The following SPECC1 variants were observed in gnomAD, a reference collection of about 807,000 sequenced individuals.
SPECC1 encodes the protein cytospin-B.
In SPECC1, 62 loss-of-function variants were observed where a neutral mutation model predicts 104.1. The observed-to-expected ratio is 0.60, with a 90% confidence interval of 0.49 to 0.74. The LOEUF is 0.74. Among genes scored for constraint, SPECC1 ranks in the 30% least tolerant of loss-of-function variants. The pLI is 0.00. For missense variants in SPECC1, 1,306 were observed against 1,310.5 expected (o/e 1.00, Z 0.05); for synonymous variants, 513 against 501.6 (o/e 1.02, Z -0.30).
At chr17:20,237,307 T>TG (rs1180291042) in intron 7 of SPECC1, 22 of 1,062,014 alleles carry the variant, frequency 2.1e-5, no homozygotes, top group Middle Eastern at 4.1e-4. Context: ...TTGTTGTTGT[T>TG]TTGTTTTGTT....
Position 20,132,751 on chromosome 17 carries a change from A to G in SPECC1, c.283+22189A>G, listed in dbSNP as rs190472666. 2.5e-4 allele frequency among the ~76,000 whole-genome samples: 34 copies of G among 135,614 alleles called. 1 individual carries two copies. In the East Asian group the frequency reaches 6.1e-3, roughly 24 times the overall value. The allele number at this position is 135,614 out of a possible 152,430, so 89.0% of individuals were successfully genotyped here. ...TATTTATTTATTTATTTATTTATTT[A>G]TTTGTTGAGATGGAGTCTCGCTCTG... On this transcript the variant is annotated intron_variant, in intron 3 of 14. Coordinates refer to ENST00000395527, the MANE Select transcript of SPECC1 (RefSeq NM_001243439.2).
rs2045378823 is a variant in SPECC1 at position 20,042,645 on chromosome 17, T to C, written c.-22+33221T>C. On this transcript the variant is annotated intron_variant, in intron 1 of 14. Transcript: ENST00000395527. ...AGGCTCCCTGCTCAGTTATTGCTGGTAAATGGGCAGTTACTGTCTAAATGT... is the reference window on the plus strand; with the variant it reads ...AGGCTCCCTGCTCAGTTATTGCTGGCAAATGGGCAGTTACTGTCTAAATGT... Among the ~76,000 whole-genome samples the C allele has an allele frequency of 1.3e-5, 2 of 152,228 alleles. 1 individual carries two copies. Among genetic ancestry groups the C allele is most frequent in the South Asian group, 4.1e-4 (2 of 4,836 alleles).
intron 1 of SPECC1, among the ~76,000 whole-genome samples, chr17:20,045,156 A>G (rs988503886): frequency 6.6e-6 from 1 of 152,156 alleles, no homozygotes; most frequent in African/African-American, 2.4e-5. Context: ...TGCACACACT[A>G]GATTTTTTTT....
intron 1 of SPECC1, among the ~76,000 whole-genome samples, chr17:20,087,783 A>T (rs1412227246): frequency 6.6e-6 from 1 of 152,214 alleles, no homozygotes; most frequent in Non-Finnish European, 1.5e-5. Context: ...CAGAAAATCA[A>T]TGGCAGATAA....
intron 1 of SPECC1, among the ~76,000 whole-genome samples, chr17:20,063,075 C>G (rs1597635958): frequency 6.6e-6 from 1 of 152,246 alleles, no homozygotes; most frequent in Admixed American, 6.5e-5. Flanking sequence ...AACTGCCTCT[C>G]AAGAGCCATG....
At chr17:20,107,380 T>G (rs543476130) in intron 2 of SPECC1, among the ~76,000 whole-genome samples, 33 of 149,406 alleles carry the variant, frequency 2.2e-4, no homozygotes, top group African/African-American at 7.4e-4. Flanking sequence ...GAGGCTGAGG[T>G]GGAGGATTGC....
chr17:20,229,514 T>TA (rs2038442297), intron 5 of SPECC1, among the ~76,000 whole-genome samples: 1 of 151,528 alleles, frequency 6.6e-6, no homozygotes, highest in South Asian at 2.1e-4. Flanking sequence ...AAAAATAAAA[T>TA]AAAATAAAAA....
chr17:20,174,467 G>T (rs192666764), intron 3 of SPECC1, among the ~76,000 whole-genome samples: 2 of 152,114 alleles, frequency 1.3e-5, no homozygotes, highest in African/African-American at 4.8e-5. Flanking sequence ...TACCAATGAG[G>T]GGGTGAGGGA....
intron 12 of SPECC1, among the ~76,000 whole-genome samples, chr17:20,280,000 G>A (rs900593442): frequency 6.6e-6 from 1 of 152,184 alleles, no homozygotes; most frequent in East Asian, 1.9e-4. Flanking sequence ...TCGCATGTGT[G>A]TTGTTGGGAG....
At chr17:20,035,565 T>A (rs2152447197) in intron 1 of SPECC1, among the ~76,000 whole-genome samples, 1 of 152,350 alleles carries the variant, frequency 6.6e-6, no homozygotes, top group East Asian at 1.9e-4. Flanking sequence ...TATTATGTTT[T>A]TAATTTTAGT....
chr17:20,268,228 AG>A (rs1331843636), intron 12 of SPECC1, among the ~76,000 whole-genome samples: 1 of 152,228 alleles, frequency 6.6e-6, no homozygotes, highest in East Asian at 1.9e-4. Context: ...ACTATCATTA[AG>A]GGACAGATGA....
At chr17:20,158,772 G>GT (rs941796943) in intron 3 of SPECC1, among the ~76,000 whole-genome samples, 3 of 152,106 alleles carry the variant, frequency 2.0e-5, no homozygotes, top group African/African-American at 7.2e-5. Flanking sequence ...GTTCTGTTTT[G>GT]TTTTTTGAGA....
intron 3 of SPECC1, among the ~76,000 whole-genome samples, chr17:20,115,964 T>G (rs2048734470): frequency 6.6e-6 from 1 of 152,214 alleles, no homozygotes; most frequent in African/African-American, 2.4e-5. Flanking sequence ...ATAATAACAT[T>G]GTATGCTTTG....
At chr17:20,041,620 CTTTTTTTTT>C (rs35255510) in intron 1 of SPECC1, among the ~76,000 whole-genome samples, 6 of 51,150 alleles carry the variant, frequency 1.2e-4, no homozygotes, top group African/African-American at 1.7e-4. Flanking sequence ...TTTGTTGAGG[CTTTTTTTTT>C]TTTTTTTTTT....
chr17:20,103,426 CT>C (rs2048036136), intron 2 of SPECC1, among the ~76,000 whole-genome samples: 1 of 152,212 alleles, frequency 6.6e-6, no homozygotes, highest in Non-Finnish European at 1.5e-5. Flanking sequence ...TCCTGATTCA[CT>C]TTGACATTCA....
intron 1 of SPECC1, among the ~76,000 whole-genome samples, chr17:20,038,784 C>T (rs955108182): frequency 6.6e-6 from 1 of 152,196 alleles, no homozygotes; most frequent in African/African-American, 2.4e-5. Flanking sequence ...AAATGAATAT[C>T]TTTGACCCAC....
At chr17:20,123,460 A>G (rs1476917894) in intron 3 of SPECC1, among the ~76,000 whole-genome samples, 1 of 152,212 alleles carries the variant, frequency 6.6e-6, no homozygotes, top group Non-Finnish European at 1.5e-5. Flanking sequence ...GCATGCTCCC[A>G]GTTACCTGCA....
intron 3 of SPECC1, among the ~76,000 whole-genome samples, chr17:20,196,601 A>G (rs534122891): frequency 6.6e-6 from 1 of 152,324 alleles, no homozygotes; most frequent in African/African-American, 2.4e-5. Flanking sequence ...GGACTTTCTG[A>G]CTTGCCCTAA....
rs1016416471 is a variant in SPECC1, at chr17:20,049,464, G to A, written c.-22+40040G>A. Among the ~76,000 whole-genome samples, 24 of 152,246 alleles carry A rather than the reference G, an allele frequency of 1.6e-4. No individual in the cohort carries two copies. The East Asian group carries it at 4.4e-3, about 28-fold the overall frequency. On this transcript the variant is annotated intron_variant, in intron 1 of 14. Transcript: ENST00000395527. ...GTCTGAGCATCTTATGTGCCGAAGA[G>A]CCATTTGTATTCTCTGTGAACTACC...
Sources: gnomAD v4.1 joint callset for allele counts (sites outside exome capture counted in the v4.1 genomes callset) on GRCh38, gnomAD v4.1.1 for gene constraint, MANE v1.5 for transcripts, NCBI Gene and HGNC (gene_info 2026-07-23, HGNC 2026-07-21) for gene names.